PIK3R4: variants seen among roughly 807,000 people sequenced by gnomAD.
PIK3R4 encodes phosphoinositide 3-kinase regulatory subunit 4.
A neutral mutation model predicts 136.5 loss-of-function variants in PIK3R4; 46 were observed. The observed-to-expected ratio is 0.34, with a 90% confidence interval of 0.27 to 0.43. The LOEUF is 0.43. Ranked by LOEUF, PIK3R4 falls within the 20% of genes least tolerant of loss-of-function variation. The pLI is 1.00. For missense variants in PIK3R4, 1,331 were observed against 1,649.5 expected, an observed-to-expected ratio of 0.81 and a Z score of 3.35; for synonymous variants, 557 against 566.7, an observed-to-expected ratio of 0.98 and a Z score of 0.24.
intron 7 of PIK3R4, among the ~76,000 whole-genome samples, chr3:130,719,837 G>A (rs1282745461): frequency 6.6e-6 from 1 of 152,042 alleles, no homozygotes; most frequent in East Asian, 1.9e-4. Flanking sequence ...TGAATATTAC[G>A]ACAAACAGGA....
intron 6 of PIK3R4, among the ~76,000 whole-genome samples, chr3:130,724,789 G>C (rs1411053550): frequency 1.3e-5 from 2 of 151,844 alleles, no homozygotes; most frequent in Non-Finnish European, 2.9e-5. Context: ...AAGGATCAAG[G>C]CATGTTATGA....
At chr3:130,730,210 C>T in intron 5 of PIK3R4, 98 bp downstream of exon 5, 1 of 948,496 alleles carries the variant, frequency 1.1e-6, no homozygotes, top group Non-Finnish European at 1.6e-6. Flanking sequence ...ATCTGGTATT[C>T]CTTCACCTTA....
At position 130,716,534 on chromosome 3, in the gene PIK3R4, A is replaced by G. The variant is rs757360872; in HGVS notation, c.2193T>C (p.Tyr731=). ...TAGTAATATCTTTAGACCTCAAAGC[A>G]TAATCAAATATAGAACGACTTACTG... ...KEPVSRSIFD[Y]ALRSKDITSL... The change falls in exon 9 of 20, where the codon TAT becomes TAC. Residue 731 remains tyrosine, a synonymous_variant. Transcript: ENST00000356763. 2.5e-6 allele frequency: 4 copies of G among 1,613,872 alleles called. No homozygotes were observed. In the African/African-American group the frequency reaches 5.3e-5, roughly 22 times the overall value.
intron 15 of PIK3R4, among the ~76,000 whole-genome samples, chr3:130,684,631 A>T (rs1365863300): frequency 2.0e-5 from 3 of 152,260 alleles, no homozygotes; most frequent in Non-Finnish European, 2.9e-5. Flanking sequence ...GAAAATGAAT[A>T]ATTTATTAGT....
intron 7 of PIK3R4, among the ~76,000 whole-genome samples, chr3:130,718,931 C>T (rs980404363): frequency 6.6e-6 from 1 of 152,126 alleles, no homozygotes; most frequent in Non-Finnish European, 1.5e-5. Context: ...CACAGAAGTT[C>T]AAGGACATAT....
intron 13 of PIK3R4, among the ~76,000 whole-genome samples, chr3:130,699,651 C>CAGTAT (rs1230456648): frequency 3.3e-5 from 5 of 152,104 alleles, no homozygotes; most frequent in Admixed American, 2.0e-4. Context: ...CAGTCTTTGC[C>CAGTAT]AGTATTCTCA....
chr3:130,710,985 C>A, intron 9 of PIK3R4, among the ~76,000 whole-genome samples: 1 of 147,386 alleles, frequency 6.8e-6, no homozygotes, highest in African/African-American at 2.5e-5. Flanking sequence ...ATGTTAAGAA[C>A]CAAGGATAGC....
chr3:130,723,965 TA>T (rs965138501), intron 6 of PIK3R4: 17 of 155,320 alleles, frequency 1.1e-4, no homozygotes, highest in South Asian at 6.1e-4. Flanking sequence ...GTCAATTAAA[TA>T]AAAAAAAAGT....
intron 13 of PIK3R4, among the ~76,000 whole-genome samples, chr3:130,694,960 G>A (rs1241729479): frequency 1.3e-5 from 2 of 152,050 alleles, no homozygotes; most frequent in Non-Finnish European, 2.9e-5. Context: ...TTACTAACTG[G>A]TTTGTTGAGT....
At chr3:130,701,863 A>G (rs756237557) in intron 13 of PIK3R4, among the ~76,000 whole-genome samples, 2 of 152,042 alleles carry the variant, frequency 1.3e-5, no homozygotes, top group South Asian at 4.1e-4. Flanking sequence ...GCCAGGTAGT[A>G]GCTCACACTT....
chr3:130,681,744 TGA>T (rs1440292897), intron 16 of PIK3R4, among the ~76,000 whole-genome samples, 153 bp from the exon 17 acceptor site: 1 of 152,164 alleles, frequency 6.6e-6, no homozygotes, highest in Non-Finnish European at 1.5e-5. Flanking sequence ...TAATATTTAC[TGA>T]GCCAGTAAAT....
chr3:130,743,550 G>A (rs1297795213), intron 2 of PIK3R4, among the ~76,000 whole-genome samples: 1 of 152,084 alleles, frequency 6.6e-6, no homozygotes, highest in Non-Finnish European at 1.5e-5. Context: ...CTAACCTGTT[G>A]CTCCTCCTGT....
At chr3:130,680,779 A>C (rs536809225) in intron 18 of PIK3R4, 58 bp from the exon 19 acceptor site, 2 of 1,084,854 alleles carry the variant, frequency 1.8e-6, no homozygotes, top group South Asian at 2.8e-5. Context: ...GGAACTAATA[A>C]TCATTGGCTT....
intron 7 of PIK3R4, among the ~76,000 whole-genome samples, 163 bp downstream of exon 7, chr3:130,723,251 A>C (rs1166584811): frequency 6.6e-6 from 1 of 151,910 alleles, no homozygotes; most frequent in Admixed American, 6.6e-5. Context: ...ACATACATAT[A>C]AGCATGCACA....
intron 2 of PIK3R4, among the ~76,000 whole-genome samples, chr3:130,736,942 T>C (rs918410074): frequency 6.6e-6 from 1 of 152,226 alleles, no homozygotes; most frequent in South Asian, 2.1e-4. Flanking sequence ...TTTGCACTTA[T>C]ATAATCTTCA....
chr3:130,725,725 T>C (rs2066727627), intron 6 of PIK3R4, among the ~76,000 whole-genome samples: 1 of 151,974 alleles, frequency 6.6e-6, no homozygotes, highest in African/African-American at 2.4e-5. Flanking sequence ...TCTTAATATG[T>C]ATATAAAGGC....
At chr3:130,726,333 TAATA>T (rs2066731833) in intron 6 of PIK3R4, among the ~76,000 whole-genome samples, 1 of 152,158 alleles carries the variant, frequency 6.6e-6, no homozygotes, top group Admixed American at 6.5e-5. Context: ...GGAAGTAATA[TAATA>T]TATACATAGC....
intron 18 of PIK3R4, 44 bp from the exon 19 acceptor site, chr3:130,680,765 G>A (rs2066452811): frequency 1.7e-6 from 2 of 1,201,718 alleles, no homozygotes; most frequent in Non-Finnish European, 2.4e-6. Context: ...TCAGGACAAT[G>A]GGAGGAACTA....
At chr3:130,688,608 A>G (rs76203890) in intron 14 of PIK3R4, among the ~76,000 whole-genome samples, 3,028 of 152,310 alleles carry the variant, frequency 0.02, 102 homozygotes, top group African/African-American at 0.068. Context: ...GCATGAGTCA[A>G]TAACTCATTC....
Sources: gnomAD v4.1 joint callset for allele counts (sites outside exome capture counted in the v4.1 genomes callset) on GRCh38, gnomAD v4.1.1 for gene constraint, MANE v1.5 for transcripts, NCBI Gene and HGNC (gene_info 2026-07-23, HGNC 2026-07-21) for gene names.